MYH7B: variants seen among roughly 807,000 people sequenced by gnomAD.
MYH7B encodes the protein myosin-7B.
Under a neutral mutation model 234.5 loss-of-function variants are expected in MYH7B, and 205 were observed. That is an observed-to-expected ratio of 0.87 (90% CI 0.78 to 0.98). The LOEUF (loss-of-function observed/expected upper bound fraction) is 0.98, where lower values mean the gene tolerates loss of function less well. Among genes scored for constraint, MYH7B ranks in the 50% least tolerant of loss-of-function variants. The probability of loss-of-function intolerance (pLI) is 0.00; values close to 1 mark genes in which losing one functional copy is unlikely to be tolerated. For missense variants in MYH7B, 2,652 were observed against 2,633.4 expected (o/e 1.01, Z -0.15); for synonymous variants, 1,193 against 1,105.0 (o/e 1.08, Z -1.58).
chr20:34,997,061 C>CT (rs11167251), intron 30 of MYH7B, 22 bp from the exon 31 acceptor site: 1,545,002 of 1,545,018 alleles, frequency 1, 772,493 homozygotes, highest in East Asian at 1. Context: ...CCTGTGCTGG[C>CT]CACCCACTCT....
exon 39 of MYH7B, chr20:35,000,442 C>G (rs1234513774): frequency 1.9e-6 from 3 of 1,601,922 alleles, no homozygotes; most frequent in Non-Finnish European, 2.5e-6. Context: ...CGTCAGGCCA[C>G]AGAGGCCCAG....
rs57996416 is a variant in MYH7B at position 34,992,385 on chromosome 20, C to CA, written c.2184-699dup. On this transcript the variant is annotated intron_variant, in intron 24 of 44. Transcript: ENST00000262873. ...TGGGCGACAGAGCGAGACTCCGTCTCAAAAAAAAAAAAAAAAAAGAATTTT... is the reference window on the plus strand; with the variant it reads ...TGGGCGACAGAGCGAGACTCCGTCTCAAAAAAAAAAAAAAAAAAAGAATTTT... Among the ~76,000 whole-genome samples, 512 of 97,866 alleles carry CA rather than the reference C, an allele frequency of 5.2e-3. 3 individuals are homozygous for CA. The highest frequency in any genetic ancestry group is 0.018 in the African/African-American group (459 of 25,186). The allele number at this position is 97,866 out of a possible 152,430, so 64.2% of individuals were successfully genotyped here.
chr20:35,000,686 G>T, exon 39 of MYH7B: 1 of 1,594,436 alleles, frequency 6.3e-7, no homozygotes, highest in East Asian at 2.3e-5. Context: ...TTCTGCATTC[G>T]CAGGTGGGGA....
chr20:34,995,449 G>A, exon 28 of MYH7B: 1 of 1,613,730 alleles, frequency 6.2e-7, no homozygotes, highest in Non-Finnish European at 8.5e-7. Flanking sequence ...ATGAGGAGGA[G>A]GTGAACGCTG....
chr20:34,998,238 C>T (rs754869136), intron 32 of MYH7B, 57 bp from the exon 33 acceptor site: 11 of 1,593,546 alleles, frequency 6.9e-6, no homozygotes, highest in Non-Finnish European at 9.4e-6. Flanking sequence ...CCATCTGATG[C>T]ACAAACTTGT....
chr20:34,998,169 G>GCT lies in MYH7B; in HGVS notation c.3748-122_3748-121dup, dbSNP rs1234028215. On this transcript the variant is annotated intron_variant, in intron 32 of 44. Coordinates refer to ENST00000262873, the Ensembl canonical transcript of MYH7B. Reference sequence around the variant, plus strand: ...TCCCTGACTTTGAACTTGGGGCTCTGCTCTCCCTTTGATTCCTGGGCCCAC... The same window carrying GCT: ...TCCCTGACTTTGAACTTGGGGCTCTGCTCTCTCCCTTTGATTCCTGGGCCCAC... 3 of 1,160,314 alleles carry GCT rather than the reference G, an allele frequency of 2.6e-6. No homozygotes were observed. The Admixed American group carries it at 6.4e-5, about 25-fold the overall frequency. 71.9% of individuals were successfully genotyped at this position (1,160,314 alleles called of 1,614,324 possible).
exon 25 of MYH7B, chr20:34,993,153 C>T (rs2082187317): frequency 6.2e-6 from 10 of 1,613,902 alleles, no homozygotes; most frequent in Non-Finnish European, 8.5e-6. Context: ...TCATGGACAG[C>T]AGGAAGGCCA....
chr20:34,979,640 C>G (rs2081910678), intron 6 of MYH7B, 21 bp from the exon 7 acceptor site: 1 of 1,613,780 alleles, frequency 6.2e-7, no homozygotes, highest in Non-Finnish European at 8.5e-7. Context: ...CCCCCGGCCC[C>G]TGACACGATC....
intron 2 of MYH7B, among the ~76,000 whole-genome samples, chr20:34,971,135 G>C (rs1461440679): frequency 6.6e-6 from 1 of 152,152 alleles, no homozygotes; most frequent in Non-Finnish European, 1.5e-5. Flanking sequence ...GAAGTGAGAG[G>C]TTGTGCTGTC....
Position 34,990,787 on chromosome 20 carries a change from TCGTC to T in MYH7B, c.2030_2033del (p.Val677AlafsTer55). The T allele has an allele frequency of 6.2e-7, 1 of 1,614,048 alleles. No individual in the cohort carries two copies. The highest frequency in any genetic ancestry group is 8.5e-7 in the Non-Finnish European group (1 of 1,180,004). On this transcript the variant is annotated frameshift_variant, in exon 23 of 45. Transcript: ENST00000262873. LOFTEE classifies it high-confidence loss of function. ...AACCTGCGGGCCACACAGCCCCACT[TCGTC>T]CGCTGCATTGTCCCCAACGAGAACA...
intron 2 of MYH7B, among the ~76,000 whole-genome samples, chr20:34,972,448 C>T (rs186437972): frequency 2.0e-5 from 3 of 152,118 alleles, no homozygotes; most frequent in Admixed American, 1.3e-4. Context: ...CCCACCAGAA[C>T]GAAGTACACG....
chr20:34,963,751 A>G (rs1352378340), intron 2 of MYH7B, among the ~76,000 whole-genome samples: 1 of 152,208 alleles, frequency 6.6e-6, no homozygotes, highest in Non-Finnish European at 1.5e-5. Flanking sequence ...GTTAATTTTT[A>G]TATAGGATGT....
rs201230890 is a variant in MYH7B, at chr20:34,978,014, T to A, written c.9T>A (p.Asp3Glu). The stretch of plus-strand genomic sequence containing the variant: ...ACCCCAGTGCCACTGCCATGATGGA[T>A]GTGAGTGAACTTGGGGAGTCTGCCC... Residue 3 changes from aspartate to glutamate, a missense_variant, in exon 5 of 45, where the codon GAT becomes GAA. Around this residue, in one of 3 missense-constraint regions of MYH7B, gnomAD observed 366 missense variants for 401.2 expected, o/e 0.91. Transcript: ENST00000262873. The A allele has an allele frequency of 1.6e-5, 26 of 1,613,888 alleles. No homozygotes were observed. Among genetic ancestry groups the A allele is most frequent in the Non-Finnish European group, 2.2e-5 (26 of 1,179,998 alleles).
intron 1 of MYH7B, 153 bp downstream of exon 1, chr20:34,956,160 C>T (rs2081631091): frequency 6.6e-6 from 1 of 152,104 alleles, no homozygotes; most frequent in Admixed American, 6.5e-5. Context: ...GGGGCAGGGG[C>T]CCATAGTACG....
At chr20:34,973,782 G>A (rs550227731) in intron 2 of MYH7B, among the ~76,000 whole-genome samples, 1 of 152,300 alleles carries the variant, frequency 6.6e-6, no homozygotes, top group South Asian at 2.1e-4. Flanking sequence ...TTTTGAGAGG[G>A]AGTCTTGCTC....
chr20:34,978,207 T>C, intron 5 of MYH7B, 111 bp downstream of exon 5: 1 of 1,305,986 alleles, frequency 7.7e-7, no homozygotes, highest in Non-Finnish European at 1.1e-6. Flanking sequence ...CATTGGGGCC[T>C]GACAGCTGGA....
chr20:34,959,185 G>A (rs76014274), intron 2 of MYH7B, among the ~76,000 whole-genome samples: 1 of 152,276 alleles, frequency 6.6e-6, no homozygotes, highest in East Asian at 1.9e-4. Context: ...CATCAGCTAC[G>A]TGGAGGAATT....
At position 34,965,029 on chromosome 20, in the gene MYH7B, A is replaced by G. The variant is rs561224278; in HGVS notation, c.-222+6817A>G. Among the ~76,000 whole-genome samples the G allele has an allele frequency of 2.6e-5, 4 of 152,320 alleles. No homozygotes were observed. The East Asian group carries it at 5.8e-4, about 22-fold the overall frequency. ...ATAGGTATTATCTCATTCAATTCCT[A>G]TGGGACAGGTACTATTAGTATTCCC... On this transcript the variant is annotated intron_variant, in intron 2 of 44. Coordinates refer to ENST00000262873, the Ensembl canonical transcript of MYH7B.
chr20:34,996,305 C>T lies in MYH7B; in HGVS notation c.2944-41C>T, dbSNP rs529105702. Reference sequence around the variant, plus strand: ...TGTGGTGTGGTGGCCGCTCAGAGTGCGGGGAAGGGCGTCCCCATTCTGGCC... The same window carrying T: ...TGTGGTGTGGTGGCCGCTCAGAGTGTGGGGAAGGGCGTCCCCATTCTGGCC... On this transcript the variant is annotated intron_variant, in intron 28 of 44. Coordinates refer to ENST00000262873, the Ensembl canonical transcript of MYH7B. The T allele has an allele frequency of 4.5e-5, 70 of 1,547,072 alleles. No homozygotes were observed. In the East Asian group the frequency reaches 7.6e-4, roughly 17 times the overall value.
Sources: gnomAD v4.1 joint callset for allele counts (sites outside exome capture counted in the v4.1 genomes callset) on GRCh38, gnomAD v4.1.1 for gene constraint, gnomAD v4.1.1 regional missense constraint, MANE v1.5 for transcripts, NCBI Gene and HGNC (gene_info 2026-07-23, HGNC 2026-07-21) for gene names.